Variants in GALK2 observed in about 807,000 individuals in gnomAD.
GALK2 encodes the protein galactokinase 2, also known as N-acetylgalactosamine kinase.
Under a neutral mutation model 52.4 loss-of-function variants are expected in GALK2, and 36 were observed. That is an observed-to-expected ratio of 0.69 (90% confidence interval 0.53 to 0.91). The LOEUF is 0.91. Ranked by LOEUF, GALK2 falls within the 40% of genes least tolerant of loss-of-function variation. The pLI, the probability that GALK2 is intolerant of heterozygous loss-of-function variation, is 0.00. For missense variants in GALK2, 579 were observed against 559.1 expected, an observed-to-expected ratio of 1.04 and a Z score of -0.36; for synonymous variants, 176 against 199.1, an observed-to-expected ratio of 0.88 and a Z score of 0.98.
At chr15:49,160,495 C>T (rs1276381315) in intron 1 of GALK2, among the ~76,000 whole-genome samples, 2 of 151,986 alleles carry the variant, frequency 1.3e-5, no homozygotes, top group Non-Finnish European at 2.9e-5. Flanking sequence ...AACAAACCTC[C>T]CTGTACCTGG....
intron 1 of GALK2, among the ~76,000 whole-genome samples, chr15:49,180,974 C>T (rs1360306780): frequency 4.6e-5 from 7 of 152,132 alleles, no homozygotes; most frequent in Non-Finnish European, 1.0e-4. Context: ...TATTGTCCCC[C>T]TGTATTGTGA....
At chr15:49,314,882 G>C (rs1341228090) in intron 8 of GALK2, among the ~76,000 whole-genome samples, 9 of 152,234 alleles carry the variant, frequency 5.9e-5, no homozygotes, top group Non-Finnish European at 2.9e-5. Context: ...GCCATGTGAA[G>C]ATCTTGGGGA....
At chr15:49,339,666 G>A (rs963621714) in intron 3 of GALK2, among the ~76,000 whole-genome samples, 7 of 152,298 alleles carry the variant, frequency 4.6e-5, no homozygotes, top group South Asian at 4.1e-4. Context: ...TGGGAGATCC[G>A]CTGCTGTCTT....
intron 9 of GALK2, among the ~76,000 whole-genome samples, chr15:49,324,773 A>G (rs2037197987): frequency 6.6e-6 from 1 of 152,100 alleles, no homozygotes; most frequent in African/African-American, 2.4e-5. Context: ...ATTATATATA[A>G]TTTTTAAAAT....
chr15:49,306,841 A>G (rs2035584201), intron 8 of GALK2, among the ~76,000 whole-genome samples: 1 of 152,216 alleles, frequency 6.6e-6, no homozygotes, highest in Non-Finnish European at 1.5e-5. Flanking sequence ...AGAGTGAGAC[A>G]CAAAAATGTG....
chr15:49,247,141 C>T (rs1258602732), intron 5 of GALK2, among the ~76,000 whole-genome samples: 1 of 151,912 alleles, frequency 6.6e-6, no homozygotes, highest in Non-Finnish European at 1.5e-5. Context: ...TCAGAGGGAA[C>T]AGCAAGTGCA....
intron 1 of GALK2, among the ~76,000 whole-genome samples, chr15:49,164,035 G>A (rs934303174): frequency 3.9e-5 from 6 of 152,122 alleles, no homozygotes; most frequent in African/African-American, 7.2e-5. Flanking sequence ...AAGAAAACTC[G>A]TGGCATACTC....
At chr15:49,211,240 A>G (rs1456627842) in intron 2 of GALK2, among the ~76,000 whole-genome samples, 1 of 152,216 alleles carries the variant, frequency 6.6e-6, no homozygotes, top group Non-Finnish European at 1.5e-5. Context: ...CAGGGGCACA[A>G]TGCCTCCAGA....
chr15:49,176,633 T>G (rs1291824428), intron 1 of GALK2, among the ~76,000 whole-genome samples: 5 of 152,242 alleles, frequency 3.3e-5, no homozygotes, highest in African/African-American at 1.2e-4. Flanking sequence ...CATAGTTCAT[T>G]TAATCAACAG....
chr15:49,190,174 A>G (rs1044330422), intron 1 of GALK2, among the ~76,000 whole-genome samples: 3 of 152,234 alleles, frequency 2.0e-5, no homozygotes, highest in African/African-American at 7.2e-5. Context: ...GTTTTCTAGT[A>G]TACCCTTTCA....
chr15:49,317,892 C>A (rs28705054), intron 8 of GALK2, among the ~76,000 whole-genome samples: 4 of 152,008 alleles, frequency 2.6e-5, no homozygotes, highest in African/African-American at 9.7e-5. Context: ...GGGAACAACA[C>A]ATACTGGGGC....
At chr15:49,332,093 A>C (rs117526734), downstream of GALK2, among the ~76,000 whole-genome samples, 21,168 of 122,138 alleles carry the variant, frequency 0.17, 2,032 homozygotes, top group Non-Finnish European at 0.22. Flanking sequence ...CGTGCCACAC[A>C]CACACACACA....
intron 3 of GALK2, among the ~76,000 whole-genome samples, chr15:49,358,815 T>C (rs1208848746): frequency 6.6e-6 from 1 of 151,992 alleles, no homozygotes; most frequent in Non-Finnish European, 1.5e-5. Flanking sequence ...GCTGGAGACA[T>C]CACACTACCT....
At chr15:49,211,704 C>A (rs539719636) in intron 2 of GALK2, among the ~76,000 whole-genome samples, 3 of 152,124 alleles carry the variant, frequency 2.0e-5, no homozygotes, top group African/African-American at 7.2e-5. Flanking sequence ...GAAGGAGGCA[C>A]GCCGTACATG....
chr15:49,262,679 CT>C (rs2092177359), intron 5 of GALK2, among the ~76,000 whole-genome samples: 1 of 148,854 alleles, frequency 6.7e-6, no homozygotes, highest in Admixed American at 6.7e-5. Context: ...AATTTTGGAT[CT>C]TTCCTGCTTT....
chr15:49,216,306 A>G (rs1268942891), intron 2 of GALK2, among the ~76,000 whole-genome samples: 3 of 152,178 alleles, frequency 2.0e-5, no homozygotes, highest in African/African-American at 7.2e-5. Context: ...TTCCCTCTGA[A>G]TGAGAGTGGG....
intron 3 of GALK2, chr15:49,365,184 G>T: frequency 3.8e-6 from 3 of 787,286 alleles, no homozygotes; most frequent in Non-Finnish European, 6.8e-6. Flanking sequence ...GCATAATACA[G>T]ATGGTCCATC....
chr15:49,216,969 A>G (rs555512308), intron 2 of GALK2, among the ~76,000 whole-genome samples: 1 of 152,122 alleles, frequency 6.6e-6, no homozygotes, highest in South Asian at 2.1e-4. Flanking sequence ...ACTCACCTGA[A>G]TTTTCTGGGT....
intron 1 of GALK2, chr15:49,156,889 C>T (rs540433267): frequency 5.5e-6 from 3 of 543,432 alleles, no homozygotes; most frequent in East Asian, 5.5e-5. Context: ...CTCCTCATCC[C>T]TCATCCTGTA....
Sources: allele counts gnomAD v4.1 joint callset (sites outside exome capture counted in the v4.1 genomes callset), GRCh38; gene constraint gnomAD v4.1.1; transcripts MANE v1.5; gene names NCBI Gene and HGNC (gene_info 2026-07-23, HGNC 2026-07-21).